MLLT10: variants seen among roughly 807,000 people sequenced by gnomAD.
The protein encoded by MLLT10 is MLLT10 histone lysine methyltransferase DOT1L cofactor.
Under a neutral mutation model 129.1 loss-of-function variants are expected in MLLT10, and 30 were observed. That is an observed-to-expected ratio of 0.23 (90% CI 0.17 to 0.32). The LOEUF (loss-of-function observed/expected upper bound fraction) is 0.32. Ranked by LOEUF, MLLT10 falls within the 10% of genes least tolerant of loss-of-function variation. The pLI is 1.00. For synonymous variants in MLLT10, 490 were observed against 446.4 expected, an observed-to-expected ratio of 1.10 and a Z score of -1.23; for missense variants, 1,119 against 1,268.3, an observed-to-expected ratio of 0.88 and a Z score of 1.79.
intron 7 of MLLT10, 91 bp downstream of exon 7, chr10:21,615,015 C>A: frequency 9.8e-7 from 1 of 1,020,018 alleles, no homozygotes; most frequent in South Asian, 1.9e-5. Flanking sequence ...TATAACAGTT[C>A]CTTTTTCCTT....
intron 4 of MLLT10, among the ~76,000 whole-genome samples, chr10:21,590,455 C>T (rs2042389955): frequency 6.6e-6 from 1 of 151,868 alleles, no homozygotes; most frequent in Non-Finnish European, 1.5e-5. Flanking sequence ...TTCTCTGCCT[C>T]AGCCTCCCAA....
At chr10:21,609,104 A>G (rs916404551) in intron 5 of MLLT10, among the ~76,000 whole-genome samples, 3 of 152,276 alleles carry the variant, frequency 2.0e-5, no homozygotes, top group Non-Finnish European at 4.4e-5. Context: ...CCCTGCTCTA[A>G]CAAATGTAGG....
At chr10:21,542,984 A>G (rs1294818369) in intron 3 of MLLT10, among the ~76,000 whole-genome samples, 5 of 151,500 alleles carry the variant, frequency 3.3e-5, no homozygotes, top group African/African-American at 1.2e-4. Context: ...TTTGAGACGA[A>G]ATTTTGCTGT....
At chr10:21,679,710 A>C (rs2052546836) in intron 11 of MLLT10, among the ~76,000 whole-genome samples, 1 of 152,200 alleles carries the variant, frequency 6.6e-6, no homozygotes, top group African/African-American at 2.4e-5. Flanking sequence ...TTTATTAAAA[A>C]TTCTTGAGAC....
intron 3 of MLLT10, chr10:21,556,997 C>A (rs879323910): frequency 3.1e-5 from 46 of 1,486,006 alleles, no homozygotes; most frequent in Non-Finnish European, 3.8e-5. Context: ...ATATTTCTTA[C>A]AGGGTTTTGT....
rs2033389820 is a variant in MLLT10, at chr10:21,534,365, G to T, written c.-156G>T. 2.6e-6 allele frequency: 1 copy of T among 383,002 alleles called. No homozygotes were observed. The highest frequency in any genetic ancestry group is 4.4e-5 in the Admixed American group (1 of 22,602). The allele number at this position is 383,002 out of a possible 1,614,324, so 23.7% of individuals were successfully genotyped here. A position where few individuals can be genotyped will look rare whatever the true frequency, so the allele number is the denominator to read the frequency against. ...CCTCTTGATTATGTGTGCCCTCTCC[G>T]GGCGCCCGCGTTAGCGGCCGGGTGG... is the stretch of plus-strand genomic sequence containing the variant. On this transcript the variant is annotated 5_prime_UTR_variant, in exon 1 of 23. Coordinates refer to ENST00000307729, the MANE Select transcript of MLLT10 (RefSeq NM_001195626.3).
At chr10:21,551,315 T>TTA (rs1358707228) in intron 3 of MLLT10, among the ~76,000 whole-genome samples, 35 of 148,948 alleles carry the variant, frequency 2.3e-4, no homozygotes, top group African/African-American at 8.7e-4. Context: ...TTTTTTTTTT[T>TTA]TACATAACAC....
At chr10:21,623,422 G>T (rs2046100042) in intron 8 of MLLT10, among the ~76,000 whole-genome samples, 1 of 152,160 alleles carries the variant, frequency 6.6e-6, no homozygotes, top group South Asian at 2.1e-4. Flanking sequence ...TCTGTGCCAG[G>T]AATCTGAGAA....
intron 14 of MLLT10, among the ~76,000 whole-genome samples, chr10:21,721,706 T>TG (rs1228848307): frequency 6.6e-6 from 1 of 152,156 alleles, no homozygotes; most frequent in Non-Finnish European, 1.5e-5. Flanking sequence ...AATACTGCCT[T>TG]GGTAGAGACT....
chr10:21,558,206 C>A (rs1388798442), intron 3 of MLLT10, among the ~76,000 whole-genome samples: 1 of 152,164 alleles, frequency 6.6e-6, no homozygotes, highest in African/African-American at 2.4e-5. Context: ...CCACCTCGAC[C>A]TCCCAAAGTG....
chr10:21,704,308 C>T (rs1296994343), intron 13 of MLLT10, among the ~76,000 whole-genome samples: 1 of 146,942 alleles, frequency 6.8e-6, no homozygotes, highest in Non-Finnish European at 1.5e-5. Context: ...TGTGCCCAGC[C>T]TCTGTTTTGT....
intron 11 of MLLT10, among the ~76,000 whole-genome samples, chr10:21,680,213 T>C (rs1238384639): frequency 1.3e-5 from 2 of 152,056 alleles, no homozygotes; most frequent in Non-Finnish European, 2.9e-5. Flanking sequence ...TTTCTTTTTT[T>C]CTTTTCTTTT....
intron 2 of MLLT10, 94 bp downstream of exon 2, chr10:21,534,898 G>C (rs1323923327): frequency 1.1e-6 from 1 of 925,622 alleles, no homozygotes; most frequent in East Asian, 9.4e-5. Context: ...CCCCCGCCCC[G>C]TGCCGCGGCC....
chr10:21,605,539 G>C (rs2043975899), intron 5 of MLLT10, among the ~76,000 whole-genome samples: 1 of 152,012 alleles, frequency 6.6e-6, no homozygotes, highest in Non-Finnish European at 1.5e-5. Flanking sequence ...CAACCTCCCG[G>C]GTTCAAGTGA....
intron 9 of MLLT10, among the ~76,000 whole-genome samples, chr10:21,666,573 G>A (rs974472015): frequency 6.6e-6 from 1 of 151,790 alleles, no homozygotes; most frequent in Non-Finnish European, 1.5e-5. Context: ...TGAGGCAGGA[G>A]AATCGTTGGA....
intron 3 of MLLT10, chr10:21,571,955 A>T (rs148884614): frequency 6.6e-6 from 1 of 152,180 alleles, no homozygotes; most frequent in Non-Finnish European, 1.5e-5. Context: ...AGTTTAATTT[A>T]TCAGTGTTTT....
intron 3 of MLLT10, among the ~76,000 whole-genome samples, chr10:21,577,997 G>A (rs2040974012): frequency 6.6e-6 from 1 of 152,062 alleles, no homozygotes; most frequent in South Asian, 2.1e-4. Flanking sequence ...CCGGGTTCAA[G>A]CGATTCTCGT....
chr10:21,720,902 A>C (rs1198128677), intron 14 of MLLT10, among the ~76,000 whole-genome samples: 1 of 152,198 alleles, frequency 6.6e-6, no homozygotes, highest in African/African-American at 2.4e-5. Flanking sequence ...TGTTCCTATG[A>C]GGTAGATACT....
intron 13 of MLLT10, among the ~76,000 whole-genome samples, chr10:21,696,202 G>GATT (rs1246072723): frequency 6.6e-6 from 1 of 151,478 alleles, no homozygotes; most frequent in Non-Finnish European, 1.5e-5. Flanking sequence ...TTATTTTTTT[G>GATT]ATTATTATTA....
Sources: gnomAD v4.1 joint callset for allele counts (sites outside exome capture counted in the v4.1 genomes callset) on GRCh38, gnomAD v4.1.1 for gene constraint, MANE v1.5 for transcripts, NCBI Gene and HGNC (gene_info 2026-07-23, HGNC 2026-07-21) for gene names.